Variants in THOC5 observed in about 807,000 individuals in gnomAD.
THOC5 encodes THO complex subunit 5.
A neutral mutation model predicts 92.9 loss-of-function variants in THOC5; 43 were observed. The ratio of observed to expected loss-of-function variants is 0.46; its 90% confidence interval spans 0.36 to 0.60. The LOEUF (loss-of-function observed/expected upper bound fraction) is 0.60. Ranked by LOEUF, THOC5 falls within the 20% of genes least tolerant of loss-of-function variation. The pLI, the probability that THOC5 is intolerant of heterozygous loss-of-function variation, is 0.00. For missense variants in THOC5, 659 were observed against 849.4 expected (o/e 0.78, Z 2.79); for synonymous variants, 296 against 320.1 (o/e 0.92, Z 0.80).
Position 29,517,058 on chromosome 22 carries a change from TAG to T in THOC5, c.1650_1651del (p.Tyr551LeufsTer45). The T allele has an allele frequency of 6.2e-7, 1 of 1,614,128 alleles. No homozygotes were observed. The highest frequency in any genetic ancestry group is 8.5e-7 in the Non-Finnish European group (1 of 1,180,018). ...GCCCCTTTCGATGAGCGCCATGTAGTAGAGATTGGTGTCCCCAGCCAGTCCCG... is the reference window on the plus strand; with the variant it reads ...GCCCCTTTCGATGAGCGCCATGTAGTAGATTGGTGTCCCCAGCCAGTCCCG... On this transcript the variant is annotated frameshift_variant, in exon 17 of 20. Coordinates refer to ENST00000490103, the MANE Select transcript of THOC5 (RefSeq NM_003678.5). LOFTEE classifies it high-confidence loss of function.
At chr22:29,531,564 C>T (rs1009167994) in intron 8 of THOC5, 15 of 1,178,482 alleles carry the variant, frequency 1.3e-5, no homozygotes, top group Non-Finnish European at 1.4e-5. Context: ...AGACAGGCTG[C>T]CTGGGTTCTG....
At chr22:29,533,118 T>A (rs1601427316) in intron 7 of THOC5, among the ~76,000 whole-genome samples, 1 of 152,368 alleles carries the variant, frequency 6.6e-6, no homozygotes, top group East Asian at 1.9e-4. Context: ...GGTAACAATT[T>A]ATTCTAAAGT....
At chr22:29,532,397 C>T (rs1385467425) in intron 7 of THOC5, among the ~76,000 whole-genome samples, 1 of 152,250 alleles carries the variant, frequency 6.6e-6, no homozygotes, top group African/African-American at 2.4e-5. Flanking sequence ...GGCATAGTGG[C>T]TCACGCCTGT....
intron 7 of THOC5, chr22:29,534,503 G>A (rs985995273): frequency 1.3e-5 from 2 of 150,104 alleles, no homozygotes; most frequent in East Asian, 1.9e-4. Context: ...ATGAATTCAG[G>A]TTTTGTTTCA....
In THOC5 at chr22:29,539,450, A is replaced by C; in HGVS notation, c.479T>G (p.Val160Gly). ...CTCCTTATAAAACTCCTCTAAACTG[A>C]CCAGATCAATTTCTTCATGCTTTGA... ...FKSKHEEIDL[V>G]SLEEFYKEAP... Residue 160 changes from valine (V) to glycine (G), a missense_variant, in exon 6 of 20, where the codon GTC becomes GGC. Coordinates refer to ENST00000490103, the MANE Select transcript of THOC5 (RefSeq NM_003678.5). The C allele has an allele frequency of 6.2e-7, 1 of 1,613,814 alleles. No individual in the cohort carries two copies. The highest frequency in any genetic ancestry group is 8.5e-7 in the Non-Finnish European group (1 of 1,179,946).
At chr22:29,532,014 A>T in intron 7 of THOC5, 51 bp from the exon 8 acceptor site, 3 of 1,592,408 alleles carry the variant, frequency 1.9e-6, no homozygotes, top group Admixed American at 1.7e-5. Flanking sequence ...CAGTCCACAC[A>T]GGAAAAAGTG....
intron 3 of THOC5, 74 bp downstream of exon 3, chr22:29,544,386 G>T: frequency 6.7e-7 from 1 of 1,502,710 alleles, no homozygotes; most frequent in Non-Finnish European, 9.0e-7. Flanking sequence ...ATCAGGAAGG[G>T]CCCTGGTAGG....
chr22:29,524,821 C>A (rs79330181), intron 12 of THOC5, among the ~76,000 whole-genome samples: 367 of 152,286 alleles, frequency 2.4e-3, no homozygotes, highest in African/African-American at 8.5e-3. Flanking sequence ...TGGAAAGAGC[C>A]CTGCTCTACC....
At chr22:29,532,008 C>G (rs1403437481) in intron 7 of THOC5, 45 bp from the exon 8 acceptor site, 3 of 1,597,108 alleles carry the variant, frequency 1.9e-6, no homozygotes, top group Non-Finnish European at 8.6e-7. Context: ...TTTAGCCAGT[C>G]CACACAGGAA....
At position 29,549,156 on chromosome 22, in the gene THOC5, C is replaced by T. The variant is rs2064090188; in HGVS notation, c.-9G>A. On this transcript the variant is annotated splice_region_variant and 5_prime_UTR_variant, in exon 2 of 20. Coordinates refer to ENST00000490103, the MANE Select transcript of THOC5 (RefSeq NM_003678.5). Reference sequence around the variant, plus strand: ...CTCGATTCTGATGACATGGTTGTTCCTCCTGTTAAGAGGAGAAAGTTTTTG... The same window carrying T: ...CTCGATTCTGATGACATGGTTGTTCTTCCTGTTAAGAGGAGAAAGTTTTTG... 1 of 1,613,888 alleles carries T rather than the reference C, an allele frequency of 6.2e-7. No individual in the cohort carries two copies. The highest frequency in any genetic ancestry group is 1.1e-5 in the South Asian group (1 of 91,064).
intron 3 of THOC5, 86 bp from the exon 4 acceptor site, chr22:29,543,628 TG>T: frequency 1.0e-6 from 1 of 972,432 alleles, no homozygotes. Flanking sequence ...CATCCTCATC[TG>T]GGGCCAAAAA....
chr22:29,547,047 T>C (rs992773266), intron 2 of THOC5, among the ~76,000 whole-genome samples: 3 of 152,062 alleles, frequency 2.0e-5, no homozygotes, highest in Non-Finnish European at 2.9e-5. Context: ...TTTTGCCATG[T>C]TGGCCAGGCT....
chr22:29,519,629 C>G (rs2063399897), intron 14 of THOC5, among the ~76,000 whole-genome samples: 1 of 146,032 alleles, frequency 6.8e-6, no homozygotes, highest in Admixed American at 6.9e-5. Context: ...AAGGCCATGA[C>G]AGGCCTTTTT....
chr22:29,512,164 C>T (rs771911207), intron 17 of THOC5, 28 bp from the exon 18 acceptor site: 5 of 1,599,800 alleles, frequency 3.1e-6, no homozygotes, highest in African/African-American at 2.7e-5. Context: ...AGGGGAAATG[C>T]GCAGTTCTAA....
At chr22:29,520,759 GT>G (rs1328833734) in intron 13 of THOC5, among the ~76,000 whole-genome samples, 1 of 152,218 alleles carries the variant, frequency 6.6e-6, no homozygotes, top group Non-Finnish European at 1.5e-5. Context: ...GCCTTCCAAA[GT>G]GCTGGGATTA....
intron 9 of THOC5, among the ~76,000 whole-genome samples, chr22:29,528,779 T>C (rs2063595067): frequency 6.6e-6 from 1 of 152,096 alleles, no homozygotes; most frequent in Non-Finnish European, 1.5e-5. Flanking sequence ...ATAATAATAG[T>C]AGTAGAAGCA....
rs1265154620 is a variant in THOC5 at position 29,511,234 on chromosome 22, C to T, written c.1860G>A (p.Gln620=). The part of the protein sequence containing the change: ...KELCGPWPSH[Q]LLTNQLQRLC... The stretch of plus-strand genomic sequence containing the variant: ...GCCGCTGCAGCTGGTTGGTCAACAG[C>T]TGGTGGCTGGGCCAAGGGCCACACA... The change falls in exon 19 of 20, where the codon CAG becomes CAA. Residue 620 remains glutamine, a synonymous_variant. Coordinates refer to ENST00000490103, the MANE Select transcript of THOC5 (RefSeq NM_003678.5). The T allele has an allele frequency of 6.2e-7, 1 of 1,614,232 alleles. No homozygotes were observed. The highest frequency in any genetic ancestry group is 1.3e-5 in the African/African-American group (1 of 75,068).
chr22:29,510,885 C>A (rs1259072990), intron 19 of THOC5, among the ~76,000 whole-genome samples: 1 of 152,176 alleles, frequency 6.6e-6, no homozygotes, highest in African/African-American at 2.4e-5. Flanking sequence ...TTGTTTTCCA[C>A]AGAAAGTATA....
rs190166453 is a variant in THOC5, at chr22:29,552,393, C to T, written c.-12+1278G>A. Among the ~76,000 whole-genome samples the T allele has an allele frequency of 6.0e-3, 905 of 151,056 alleles. 5 individuals are homozygous for T. The highest frequency in any genetic ancestry group is 0.012 in the Admixed American group (184 of 15,218). ...TCAGATGTGGGGAGCACCTCTGCCC[C>T]GCCGCCCCGTCTGGGATGTGAGGAG... is the stretch of plus-strand genomic sequence containing the variant. On this transcript the variant is annotated intron_variant, in intron 1 of 19. Transcript: ENST00000490103.
Sources: allele counts gnomAD v4.1 joint callset (sites outside exome capture counted in the v4.1 genomes callset), GRCh38; gene constraint gnomAD v4.1.1; transcripts MANE v1.5; gene names NCBI Gene and HGNC (gene_info 2026-07-23, HGNC 2026-07-21).